Variants in PRPSAP2 observed in about 807,000 individuals in gnomAD.
PRPSAP2 encodes phosphoribosyl pyrophosphate synthase-associated protein 2.
Under a neutral mutation model 40.6 loss-of-function variants are expected in PRPSAP2, and 24 were observed. The ratio of observed to expected loss-of-function variants is 0.59; its 90% CI spans 0.43 to 0.83. The LOEUF (loss-of-function observed/expected upper bound fraction) is 0.83. PRPSAP2 is among the 40% of genes least tolerant of loss of function. PRPSAP2 has a pLI of 0.00. For synonymous variants in PRPSAP2, 149 were observed against 164.7 expected (o/e 0.90, Z 0.73); for missense variants, 292 against 465.6 (o/e 0.63, Z 3.43).
chr17:18,885,253 T>G (rs909003235), intron 7 of PRPSAP2, among the ~76,000 whole-genome samples: 14 of 151,756 alleles, frequency 9.2e-5, no homozygotes, highest in African/African-American at 3.4e-4. Flanking sequence ...ATATAAAAAT[T>G]AACCAGGTGT....
chr17:18,873,531 A>C (rs573248335), intron 5 of PRPSAP2, among the ~76,000 whole-genome samples: 2 of 152,310 alleles, frequency 1.3e-5, no homozygotes, highest in African/African-American at 4.8e-5. Flanking sequence ...TAATGATAAT[A>C]GTATACATTA....
chr17:18,882,205 G>T (rs1262196401), intron 6 of PRPSAP2, among the ~76,000 whole-genome samples: 1 of 151,956 alleles, frequency 6.6e-6, no homozygotes, highest in Non-Finnish European at 1.5e-5. Flanking sequence ...TTTATACAGT[G>T]CAACTTGTTT....
chr17:18,908,267 C>CT, intron 8 of PRPSAP2: 1 of 766,736 alleles, frequency 1.3e-6, no homozygotes, highest in East Asian at 2.4e-5. Flanking sequence ...CGAGCTGCCG[C>CT]TTTCGCAGCA....
intron 8 of PRPSAP2, among the ~76,000 whole-genome samples, chr17:18,907,546 G>A (rs1238757088): frequency 6.6e-6 from 1 of 152,124 alleles, no homozygotes; most frequent in Non-Finnish European, 1.5e-5. Context: ...CAGCCTGCTG[G>A]ATCTGACTGA....
intron 4 of PRPSAP2, among the ~76,000 whole-genome samples, chr17:18,870,800 C>A (rs1358488464): frequency 7.9e-6 from 1 of 126,956 alleles, no homozygotes; most frequent in Non-Finnish European, 1.7e-5. Flanking sequence ...CAGAGCAAGA[C>A]CTTGTCTCAA....
At chr17:18,886,627 G>A (rs940929544) in intron 7 of PRPSAP2, among the ~76,000 whole-genome samples, 1 of 151,970 alleles carries the variant, frequency 6.6e-6, no homozygotes, top group Non-Finnish European at 1.5e-5. Context: ...CAAAGTGCTG[G>A]GATTACAGGT....
intron 8 of PRPSAP2, among the ~76,000 whole-genome samples, chr17:18,900,345 AT>A (rs1414645847): frequency 6.6e-6 from 1 of 151,752 alleles, no homozygotes; most frequent in Admixed American, 6.6e-5. Context: ...TATACCTTCT[AT>A]TTTTTTGTCA....
chr17:18,892,472 C>G (rs1168036885), intron 8 of PRPSAP2, among the ~76,000 whole-genome samples: 3 of 152,054 alleles, frequency 2.0e-5, no homozygotes, highest in Admixed American at 1.3e-4. Flanking sequence ...CCAACTTCTC[C>G]ACATCTTCAC....
At chr17:18,901,021 G>C (rs1243337117) in intron 8 of PRPSAP2, among the ~76,000 whole-genome samples, 1 of 152,142 alleles carries the variant, frequency 6.6e-6, no homozygotes, top group Non-Finnish European at 1.5e-5. Context: ...GGTTTGGGGT[G>C]CCTCATTATA....
intron 8 of PRPSAP2, among the ~76,000 whole-genome samples, chr17:18,901,100 C>T (rs11078422): frequency 0.53 from 80,118 of 151,940 alleles, 21,439 homozygotes; most frequent in Middle Eastern, 0.59. Flanking sequence ...GTGGCGGAAA[C>T]GTGGGCTGTG....
chr17:18,902,333 G>A (rs1309327766), intron 8 of PRPSAP2, among the ~76,000 whole-genome samples: 1 of 152,184 alleles, frequency 6.6e-6, no homozygotes, highest in Non-Finnish European at 1.5e-5. Flanking sequence ...TGAGGCCTAG[G>A]AAGATGCCCT....
intron 10 of PRPSAP2, among the ~76,000 whole-genome samples, chr17:18,925,854 G>A (rs1367581803): frequency 6.6e-6 from 1 of 152,136 alleles, no homozygotes; most frequent in Non-Finnish European, 1.5e-5. Flanking sequence ...GCTCACTTCT[G>A]TAATCCCAGC....
At chr17:18,900,875 G>A (rs1030578959) in intron 8 of PRPSAP2, among the ~76,000 whole-genome samples, 1 of 152,084 alleles carries the variant, frequency 6.6e-6, no homozygotes, top group East Asian at 1.9e-4. Context: ...GAGAGGGGAG[G>A]GGCACCTCTT....
At chr17:18,859,888 G>C (rs1273961684) in intron 1 of PRPSAP2, 1 of 150,576 alleles carries the variant, frequency 6.6e-6, no homozygotes, top group African/African-American at 2.4e-5. Context: ...GGGATTACAG[G>C]CATGCGCCAC....
chr17:18,928,487 C>T (rs2042087114), intron 10 of PRPSAP2: 1 of 307,440 alleles, frequency 3.3e-6, no homozygotes, highest in African/African-American at 2.1e-5. Flanking sequence ...ATACCTCCAT[C>T]ATTTCTGGTG....
intron 9 of PRPSAP2, among the ~76,000 whole-genome samples, chr17:18,916,698 AAAC>A (rs1476098895): frequency 6.6e-6 from 1 of 152,170 alleles, no homozygotes; most frequent in Non-Finnish European, 1.5e-5. Context: ...GGTAATTTAT[AAAC>A]AACAGAAATT....
intron 6 of PRPSAP2, 58 bp from the exon 7 acceptor site, chr17:18,882,510 T>A (rs1597593135): frequency 5.2e-6 from 5 of 956,928 alleles, no homozygotes; most frequent in Admixed American, 2.3e-5. Context: ...GATCCCATCT[T>A]AAAAAAAAAA....
intron 1 of PRPSAP2, among the ~76,000 whole-genome samples, chr17:18,863,543 C>A (rs1163174517): frequency 1.6e-5 from 2 of 122,518 alleles, no homozygotes; most frequent in Non-Finnish European, 3.7e-5. Context: ...CTTTTCTTTT[C>A]TTTATTTGAA....
chr17:18,905,904 A>G (rs889551451), intron 8 of PRPSAP2, among the ~76,000 whole-genome samples: 2 of 152,110 alleles, frequency 1.3e-5, no homozygotes, highest in African/African-American at 4.8e-5. Context: ...AATTTTTTAA[A>G]AACTATTTTG....
Sources: allele counts gnomAD v4.1 joint callset (sites outside exome capture counted in the v4.1 genomes callset), GRCh38; gene constraint gnomAD v4.1.1; transcripts MANE v1.5; gene names NCBI Gene and HGNC (gene_info 2026-07-23, HGNC 2026-07-21).